Variants in DOK6 observed in about 807,000 individuals in gnomAD.
DOK6 encodes docking protein 6.
DOK6 carries 22 observed loss-of-function variants against 44.0 expected under a neutral mutation model. The ratio of observed to expected loss-of-function variants is 0.50; its 90% CI spans 0.36 to 0.71. DOK6 has a LOEUF of 0.71. Ranked by LOEUF, DOK6 falls within the 30% of genes least tolerant of loss-of-function variation. The pLI, the probability that DOK6 is intolerant of heterozygous loss-of-function variation, is 0.00. For missense variants in DOK6, 340 were observed against 416.4 expected, an observed-to-expected ratio of 0.82 and a Z score of 1.60; for synonymous variants, 166 against 145.5, an observed-to-expected ratio of 1.14 and a Z score of -1.01.
chr18:69,841,608 T>C lies in DOK6; in HGVS notation c.*225T>C, dbSNP rs967027703. The C allele has an allele frequency of 3.6e-6, 2 of 549,902 alleles. No individual in the cohort carries two copies. The highest frequency in any genetic ancestry group is 1.9e-5 in the African/African-American group (1 of 53,868). The allele number at this position is 549,902 out of a possible 1,614,324, so 34.1% of individuals were successfully genotyped here. On this transcript the variant is annotated 3_prime_UTR_variant, in exon 8 of 8. Coordinates refer to ENST00000382713, the MANE Select transcript of DOK6 (RefSeq NM_152721.6). ...TGGGGGAATCTATGTTTTACATAAA[T>C]AGAATCCAAATCGTATGAACAGTTA...
At chr18:69,617,773 C>T (rs112894699) in intron 3 of DOK6, among the ~76,000 whole-genome samples, 25 of 101,418 alleles carry the variant, frequency 2.5e-4, no homozygotes, top group African/African-American at 5.9e-4. Context: ...AAGGAAGGAA[C>T]GGAGGGAGGG....
At chr18:69,579,857 G>C (rs1046312055) in intron 2 of DOK6, among the ~76,000 whole-genome samples, 2 of 151,968 alleles carry the variant, frequency 1.3e-5, no homozygotes, top group Admixed American at 1.3e-4. Context: ...CTCGTGGAGC[G>C]GTCGATCCGC....
chr18:69,664,012 G>A (rs909224378), intron 3 of DOK6, among the ~76,000 whole-genome samples: 25 of 152,166 alleles, frequency 1.6e-4, no homozygotes, highest in Admixed American at 7.9e-4. Flanking sequence ...GGGTGACTAG[G>A]CAACAAATAC....
intron 7 of DOK6, among the ~76,000 whole-genome samples, chr18:69,838,234 C>CT (rs1375085706): frequency 1.7e-4 from 21 of 123,360 alleles, no homozygotes; most frequent in Admixed American, 1.4e-3. Context: ...ATGTCTAAAA[C>CT]TTTAAAAAAA....
intron 7 of DOK6, among the ~76,000 whole-genome samples, chr18:69,798,817 T>A (rs1980821617): frequency 6.6e-6 from 1 of 151,908 alleles, no homozygotes; most frequent in Admixed American, 6.6e-5. Flanking sequence ...AGACAAGCAT[T>A]TTCACTTCAT....
At chr18:69,730,152 A>G (rs1978354638) in intron 5 of DOK6, among the ~76,000 whole-genome samples, 1 of 152,220 alleles carries the variant, frequency 6.6e-6, no homozygotes, top group South Asian at 2.1e-4. Context: ...TCCAGCCACA[A>G]AGCAGCCTGC....
At chr18:69,460,600 A>G (rs1296552135) in intron 1 of DOK6, among the ~76,000 whole-genome samples, 2 of 152,302 alleles carry the variant, frequency 1.3e-5, no homozygotes, top group South Asian at 2.1e-4. Context: ...AGTCATGCAT[A>G]CCCTTCATGA....
intron 1 of DOK6, among the ~76,000 whole-genome samples, chr18:69,421,860 C>T (rs566044855): frequency 3.3e-5 from 5 of 151,808 alleles, no homozygotes; most frequent in Non-Finnish European, 5.9e-5. Flanking sequence ...CCACACTCTG[C>T]GTTGAGGCAT....
chr18:69,611,766 A>G (rs1045851427), intron 3 of DOK6, among the ~76,000 whole-genome samples: 1 of 152,204 alleles, frequency 6.6e-6, no homozygotes, highest in African/African-American at 2.4e-5. Flanking sequence ...TATCCTTTCA[A>G]TGACAAATTT....
chr18:69,782,264 T>C (rs1300300310), intron 7 of DOK6, among the ~76,000 whole-genome samples: 1 of 146,772 alleles, frequency 6.8e-6, no homozygotes, highest in Non-Finnish European at 1.5e-5. Context: ...CAGGCTGGAG[T>C]GCAGCGGCGA....
chr18:69,448,141 A>T (rs186364985), intron 1 of DOK6, among the ~76,000 whole-genome samples: 100 of 152,332 alleles, frequency 6.6e-4, no homozygotes, highest in Middle Eastern at 6.8e-3. Context: ...TGGTAGGCAG[A>T]CAACTTAAAA....
chr18:69,513,447 G>A (rs1981430892), intron 1 of DOK6, among the ~76,000 whole-genome samples: 1 of 152,194 alleles, frequency 6.6e-6, no homozygotes, highest in Non-Finnish European at 1.5e-5. Flanking sequence ...CTTTGCTTAT[G>A]AGAAGCTTCC....
intron 4 of DOK6, among the ~76,000 whole-genome samples, chr18:69,689,471 C>T (rs1236354475): frequency 6.6e-6 from 1 of 152,144 alleles, no homozygotes; most frequent in African/African-American, 2.4e-5. Flanking sequence ...AGAATTCTCA[C>T]AATCAGGAAA....
At chr18:69,712,158 G>C (rs978940008) in intron 5 of DOK6, among the ~76,000 whole-genome samples, 7 of 147,720 alleles carry the variant, frequency 4.7e-5, no homozygotes, top group Admixed American at 3.4e-4. Flanking sequence ...GCGGGCGCCT[G>C]TAGTCCCAGC....
At chr18:69,513,747 G>T (rs1981440215) in intron 1 of DOK6, among the ~76,000 whole-genome samples, 1 of 152,152 alleles carries the variant, frequency 6.6e-6, no homozygotes, top group South Asian at 2.1e-4. Flanking sequence ...AAGCTAAATT[G>T]CTTAGCAGTG....
chr18:69,429,327 T>G (rs546292843), intron 1 of DOK6, among the ~76,000 whole-genome samples: 1 of 151,946 alleles, frequency 6.6e-6, no homozygotes, highest in Non-Finnish European at 1.5e-5. Flanking sequence ...TTGGAGAACA[T>G]GTGGTTCTGC....
intron 1 of DOK6, among the ~76,000 whole-genome samples, chr18:69,493,920 C>G (rs1378724577): frequency 1.3e-5 from 2 of 152,090 alleles, no homozygotes. Context: ...TTACCATAAT[C>G]AAGCAAATTA....
At chr18:69,829,703 T>A (rs905260400) in intron 7 of DOK6, among the ~76,000 whole-genome samples, 5 of 151,860 alleles carry the variant, frequency 3.3e-5, no homozygotes, top group Non-Finnish European at 7.4e-5. Context: ...AAAGACTTGT[T>A]ATCAAGACAC....
intron 1 of DOK6, among the ~76,000 whole-genome samples, chr18:69,550,252 A>G (rs1982526673): frequency 6.6e-6 from 1 of 152,052 alleles, no homozygotes; most frequent in Admixed American, 6.6e-5. Context: ...CCTTCCATAC[A>G]TTTTCAGGCA....
Sources: allele counts gnomAD v4.1 joint callset (sites outside exome capture counted in the v4.1 genomes callset), GRCh38; gene constraint gnomAD v4.1.1; transcripts MANE v1.5; gene names NCBI Gene and HGNC (gene_info 2026-07-23, HGNC 2026-07-21).